RBFOX3: variants seen among roughly 807,000 people sequenced by gnomAD.
RBFOX3 encodes RNA binding fox-1 homolog 3, also known as RNA binding protein fox-1 homolog 3.
RBFOX3 carries 17 observed loss-of-function variants against 48.7 expected under a neutral mutation model. The observed-to-expected ratio is 0.35, with a 90% CI of 0.24 to 0.52. The LOEUF (loss-of-function observed/expected upper bound fraction) is 0.52. RBFOX3 is among the 20% of genes least tolerant of loss of function. RBFOX3 has a pLI of 0.94. For missense variants in RBFOX3, 382 were observed against 497.5 expected (o/e 0.77, Z 2.21); for synonymous variants, 212 against 209.5 (o/e 1.01, Z -0.10).
intron 12 of RBFOX3, 39 bp from the exon 13 acceptor site, chr17:79,095,613 A>T: frequency 6.5e-7 from 1 of 1,528,910 alleles, no homozygotes; most frequent in Non-Finnish European, 8.9e-7. Context: ...AGAGGGACTT[A>T]GTGGGGCTCC....
At chr17:79,151,362 C>T (rs115022096) in intron 4 of RBFOX3, among the ~76,000 whole-genome samples, 1,823 of 129,606 alleles carry the variant, frequency 0.014, 78 homozygotes, top group African/African-American at 0.053. Flanking sequence ...TTCGGTGTCA[C>T]GGGAAGGAGG....
chr17:79,286,828 C>A (rs548933116), intron 3 of RBFOX3, among the ~76,000 whole-genome samples: 1 of 152,196 alleles, frequency 6.6e-6, no homozygotes, highest in Non-Finnish European at 1.5e-5. Context: ...AGGTGCCCAG[C>A]AAGGAGGTGC....
chr17:79,237,398 T>C (rs564867772), intron 3 of RBFOX3, among the ~76,000 whole-genome samples: 7 of 152,134 alleles, frequency 4.6e-5, no homozygotes, highest in Non-Finnish European at 1.0e-4. Context: ...CACTTCTTAC[T>C]CTTCCCATTC....
chr17:79,492,308 G>A (rs1053160223), intron 1 of RBFOX3, among the ~76,000 whole-genome samples: 2 of 152,100 alleles, frequency 1.3e-5, no homozygotes, highest in African/African-American at 2.4e-5. Context: ...ACACCCCCTG[G>A]TGTCACCTCC....
At chr17:79,373,968 C>A (rs1336365213) in intron 2 of RBFOX3, among the ~76,000 whole-genome samples, 1 of 152,192 alleles carries the variant, frequency 6.6e-6, no homozygotes, top group Non-Finnish European at 1.5e-5. Context: ...AAGCGATTCT[C>A]CTGACTCAGC....
At chr17:79,229,229 T>C (rs866387017) in intron 4 of RBFOX3, among the ~76,000 whole-genome samples, 3 of 30,868 alleles carry the variant, frequency 9.7e-5, no homozygotes, top group Middle Eastern at 0.025. Context: ...TGAGACTCTG[T>C]CAAAAAAAAA....
intron 4 of RBFOX3, among the ~76,000 whole-genome samples, chr17:79,175,875 C>T (rs942667274): frequency 1.8e-4 from 28 of 152,252 alleles, no homozygotes; most frequent in Non-Finnish European, 2.9e-4. Context: ...GGCTTAGACA[C>T]AGACGCCCCG....
At chr17:79,452,518 C>T (rs1351685554) in intron 2 of RBFOX3, among the ~76,000 whole-genome samples, 1 of 152,178 alleles carries the variant, frequency 6.6e-6, no homozygotes, top group Non-Finnish European at 1.5e-5. Context: ...GGAGACCGTC[C>T]CCTGCCCTCT....
At chr17:79,575,006 G>T (rs1190316347) in intron 1 of RBFOX3, among the ~76,000 whole-genome samples, 2 of 152,148 alleles carry the variant, frequency 1.3e-5, no homozygotes, top group African/African-American at 2.4e-5. Context: ...GTGGCACAGT[G>T]GTTCCCAACT....
upstream of RBFOX3, among the ~76,000 whole-genome samples, chr17:79,611,164 CTCTCTCTCTCCGCCCTCCT>C (rs2093963422): frequency 1.4e-3 from 53 of 36,826 alleles, 7 homozygotes; most frequent in African/African-American, 3.0e-3. Context: ...CTCTCTCTCT[CTCTCTCTCTCCGCCCTCCT>C]TCTCTCTCTC....
intron 4 of RBFOX3, among the ~76,000 whole-genome samples, chr17:79,141,839 G>A (rs1167108584): frequency 2.0e-5 from 3 of 152,212 alleles, no homozygotes; most frequent in Non-Finnish European, 2.9e-5. Context: ...GATGCCGAAA[G>A]TGAGCGTTAT....
chr17:79,278,158 T>A (rs919671018), intron 3 of RBFOX3, among the ~76,000 whole-genome samples: 1 of 151,872 alleles, frequency 6.6e-6, no homozygotes, highest in African/African-American at 2.4e-5. Context: ...GTGGCAGCCA[T>A]GGGGGGCCTC....
chr17:79,612,272 TC>T (rs1256132295), upstream of RBFOX3, among the ~76,000 whole-genome samples: 1 of 152,174 alleles, frequency 6.6e-6, no homozygotes, highest in Non-Finnish European at 1.5e-5. Context: ...TCCAAACCCG[TC>T]CCCATGTCAC....
chr17:79,280,300 C>G (rs532363466), intron 3 of RBFOX3, among the ~76,000 whole-genome samples: 69 of 152,218 alleles, frequency 4.5e-4, no homozygotes, highest in Non-Finnish European at 9.1e-4. Context: ...ACACACCACA[C>G]ATACACCCCC....
intron 2 of RBFOX3, among the ~76,000 whole-genome samples, chr17:79,360,456 G>A (rs1020078497): frequency 4.6e-5 from 7 of 152,142 alleles, no homozygotes; most frequent in Admixed American, 2.6e-4. Flanking sequence ...GCCCCCACCC[G>A]TCAGCTTCTG....
At chr17:79,325,818 A>T (rs952797474) in intron 2 of RBFOX3, among the ~76,000 whole-genome samples, 1 of 151,984 alleles carries the variant, frequency 6.6e-6, no homozygotes, top group Non-Finnish European at 1.5e-5. Context: ...CTCACACTCC[A>T]TTACAGGGCG....
At chr17:79,366,350 G>A (rs1233749683) in intron 2 of RBFOX3, among the ~76,000 whole-genome samples, 5 of 152,212 alleles carry the variant, frequency 3.3e-5, no homozygotes, top group African/African-American at 4.8e-5. Flanking sequence ...CCTGCAGACC[G>A]TGGCTGTCTC....
chr17:79,294,318 C>CT (rs57799825), intron 3 of RBFOX3, among the ~76,000 whole-genome samples: 3,193 of 151,412 alleles, frequency 0.021, 67 homozygotes, highest in Non-Finnish European at 0.036. Context: ...ACACCTTTTG[C>CT]TTTTTTTTTG....
At chr17:79,341,982 G>A (rs1372437230) in intron 2 of RBFOX3, among the ~76,000 whole-genome samples, 1 of 152,268 alleles carries the variant, frequency 6.6e-6, no homozygotes. Context: ...GCTGGGGCAA[G>A]AGGGTGTCCT....
Sources: allele counts gnomAD v4.1 joint callset (sites outside exome capture counted in the v4.1 genomes callset), GRCh38; gene constraint gnomAD v4.1.1; transcripts MANE v1.5; gene names NCBI Gene and HGNC (gene_info 2026-07-23, HGNC 2026-07-21).